LUZP2: variants seen among roughly 807,000 people sequenced by gnomAD.
The protein encoded by LUZP2 is leucine zipper protein 2.
A neutral mutation model predicts 51.6 loss-of-function variants in LUZP2; 52 were observed. The ratio of observed to expected loss-of-function variants is 1.01; its 90% CI spans 0.81 to 1.27. The LOEUF is 1.27. LUZP2 is among the 50% of genes most tolerant of loss of function. The pLI is 0.00. For synonymous variants in LUZP2, 154 were observed against 137.3 expected (o/e 1.12, Z -0.85); for missense variants, 436 against 395.4 (o/e 1.10, Z -0.87).
chr11:24,772,037 T>G (rs1354049013), intron 5 of LUZP2, among the ~76,000 whole-genome samples: 1 of 152,166 alleles, frequency 6.6e-6, no homozygotes, highest in Non-Finnish European at 1.5e-5. Flanking sequence ...GCAATATTCC[T>G]TCATAGGAAT....
intron 7 of LUZP2, among the ~76,000 whole-genome samples, chr11:24,956,435 T>TAAAACTTAAGCCACTAA (rs1387128228): frequency 6.6e-6 from 1 of 152,106 alleles, no homozygotes; most frequent in Non-Finnish European, 1.5e-5. Context: ...CCACTAAGCT[T>TAAAACTTAAGCCACTAA]GATGATTTGT....
chr11:24,811,432 T>C (rs1480904716), intron 5 of LUZP2, among the ~76,000 whole-genome samples: 1 of 152,202 alleles, frequency 6.6e-6, no homozygotes, highest in African/African-American at 2.4e-5. Flanking sequence ...CGCTGTCTTA[T>C]CTGACATAGT....
intron 1 of LUZP2, among the ~76,000 whole-genome samples, chr11:24,630,128 G>T (rs2133924260): frequency 6.7e-6 from 1 of 148,712 alleles, no homozygotes. Context: ...ATATTTTCTT[G>T]CATCCTGTAA....
intron 10 of LUZP2, among the ~76,000 whole-genome samples, chr11:25,068,261 C>T (rs2134051201): frequency 6.6e-6 from 1 of 151,844 alleles, no homozygotes; most frequent in Admixed American, 6.6e-5. Flanking sequence ...ACGTGTATAC[C>T]TATGTAACAA....
At chr11:24,949,297 T>C (rs933352586) in intron 7 of LUZP2, among the ~76,000 whole-genome samples, 2 of 82,138 alleles carry the variant, frequency 2.4e-5, no homozygotes, top group Non-Finnish European at 4.4e-5. Flanking sequence ...ATTATCTATC[T>C]ATCTATCTAT....
chr11:24,975,606 G>C (rs938511728), intron 7 of LUZP2, among the ~76,000 whole-genome samples: 2 of 152,018 alleles, frequency 1.3e-5, no homozygotes, highest in Non-Finnish European at 2.9e-5. Flanking sequence ...TACAGATAAT[G>C]GAACTTCCAA....
chr11:24,550,942 C>G (rs1028964546), intron 1 of LUZP2, among the ~76,000 whole-genome samples: 1 of 150,716 alleles, frequency 6.6e-6, no homozygotes, highest in African/African-American at 2.5e-5. Context: ...GATCCTGTCT[C>G]AAAAACAAAC....
intron 1 of LUZP2, among the ~76,000 whole-genome samples, chr11:24,687,559 A>T (rs1173221983): frequency 6.6e-6 from 1 of 152,228 alleles, no homozygotes; most frequent in Non-Finnish European, 1.5e-5. Context: ...GCGGAGACAG[A>T]GTTTGAACTG....
At chr11:24,921,932 A>G (rs1854073902) in intron 7 of LUZP2, among the ~76,000 whole-genome samples, 1 of 152,100 alleles carries the variant, frequency 6.6e-6, no homozygotes, top group Admixed American at 6.6e-5. Flanking sequence ...AGGAAAATTT[A>G]TGTGATCTCT....
chr11:24,739,233 T>C (rs770844891), intron 4 of LUZP2, among the ~76,000 whole-genome samples: 1 of 151,898 alleles, frequency 6.6e-6, no homozygotes, highest in African/African-American at 2.4e-5. Flanking sequence ...TAAGTGGGCT[T>C]GGGATCGGAT....
chr11:25,006,209 G>A (rs1856831212), intron 9 of LUZP2, among the ~76,000 whole-genome samples: 3 of 152,122 alleles, frequency 2.0e-5, no homozygotes, highest in Admixed American at 2.0e-4. Context: ...CATTCTTACA[G>A]GAGAAAAGCC....
intron 1 of LUZP2, among the ~76,000 whole-genome samples, chr11:24,579,750 A>G (rs1275128505): frequency 6.6e-6 from 1 of 152,130 alleles, no homozygotes; most frequent in African/African-American, 2.4e-5. Flanking sequence ...TACACAGAAT[A>G]CAAAGATATA....
intron 1 of LUZP2, among the ~76,000 whole-genome samples, chr11:24,705,564 C>T (rs1039998337): frequency 6.6e-6 from 1 of 152,126 alleles, no homozygotes; most frequent in Non-Finnish European, 1.5e-5. Flanking sequence ...TGAAAACCAC[C>T]ATTTGAAGTA....
chr11:24,527,599 A>ACACACACAG (rs112511900), intron 1 of LUZP2, among the ~76,000 whole-genome samples: 45 of 148,836 alleles, frequency 3.0e-4, no homozygotes, highest in African/African-American at 1.0e-3. Context: ...ACACACACAC[A>ACACACACAG]TTTATTTGTT....
intron 7 of LUZP2, among the ~76,000 whole-genome samples, chr11:24,960,188 C>G (rs1855348911): frequency 1.3e-5 from 2 of 152,166 alleles, no homozygotes; most frequent in Non-Finnish European, 2.9e-5. Context: ...CAATGTTCAT[C>G]AAGGATATTG....
intron 1 of LUZP2, among the ~76,000 whole-genome samples, chr11:24,500,283 G>A (rs1013954569): frequency 1.3e-5 from 2 of 152,092 alleles, no homozygotes; most frequent in Non-Finnish European, 2.9e-5. Context: ...CCTGGCATAT[G>A]GTCTCTCCTG....
chr11:24,608,290 G>A (rs1854002164), intron 1 of LUZP2, among the ~76,000 whole-genome samples: 1 of 152,188 alleles, frequency 6.6e-6, no homozygotes, highest in African/African-American at 2.4e-5. Flanking sequence ...AACACAGAGT[G>A]AGTATAATTC....
intron 1 of LUZP2, among the ~76,000 whole-genome samples, chr11:24,653,286 G>A (rs1043555746): frequency 3.3e-5 from 5 of 152,048 alleles, no homozygotes; most frequent in Non-Finnish European, 7.4e-5. Context: ...ATTTTTTACC[G>A]AATTGAATGT....
intron 9 of LUZP2, among the ~76,000 whole-genome samples, chr11:25,018,135 T>C (rs1857217082): frequency 6.6e-6 from 1 of 152,026 alleles, no homozygotes; most frequent in Non-Finnish European, 1.5e-5. Context: ...GTATATGGCA[T>C]TGCTACTGAT....
Sources: gnomAD v4.1 joint callset for allele counts (sites outside exome capture counted in the v4.1 genomes callset) on GRCh38, gnomAD v4.1.1 for gene constraint, MANE v1.5 for transcripts, NCBI Gene and HGNC (gene_info 2026-07-23, HGNC 2026-07-21) for gene names.